The following LMBRD1 variants were observed in gnomAD, a reference collection of about 807,000 sequenced individuals.
The protein encoded by LMBRD1 is lysosomal cobalamin transport escort protein LMBD1.
Under a neutral mutation model 74.8 loss-of-function variants are expected in LMBRD1, and 64 were observed. That is an observed-to-expected ratio of 0.86 (90% CI 0.70 to 1.05). The LOEUF (loss-of-function observed/expected upper bound fraction) is 1.05, where lower values mean the gene tolerates loss of function less well. Among genes scored for constraint, LMBRD1 ranks in the 50% least tolerant of loss-of-function variants. The pLI is 0.00. For synonymous variants in LMBRD1, 204 were observed against 216.3 expected (o/e 0.94, Z 0.50); for missense variants, 652 against 645.9 (o/e 1.01, Z -0.10).
At chr6:69,788,816 A>G (rs1448262449) in intron 2 of LMBRD1, among the ~76,000 whole-genome samples, 1 of 152,236 alleles carries the variant, frequency 6.6e-6, no homozygotes, top group Non-Finnish European at 1.5e-5. Flanking sequence ...TTACTTGTTT[A>G]GAAGCCATCT....
rs1025273584 is a variant in LMBRD1 at position 69,737,839 on chromosome 6, T to G, written c.636+103A>C. The G allele has an allele frequency of 1.7e-5, 14 of 833,772 alleles. No homozygotes were observed. In the Middle Eastern group the frequency reaches 1.1e-3, roughly 63 times the overall value. The allele number at this position is 833,772 out of a possible 1,614,324, so 51.6% of individuals were successfully genotyped here. On this transcript the variant is annotated intron_variant, in intron 7 of 15. Transcript: ENST00000649934. ...AAACTGAAGAAAAATTGAAAAAGAA[T>G]CAAAATATTATAAAGGAAAACAGAA... is the stretch of plus-strand genomic sequence containing the variant.
chr6:69,768,935 G>A (rs907064797), intron 3 of LMBRD1, among the ~76,000 whole-genome samples: 9 of 151,692 alleles, frequency 5.9e-5, no homozygotes, highest in Non-Finnish European at 1.0e-4. Flanking sequence ...ATGCTGTTAT[G>A]TAATTTTTTG....
At chr6:69,754,299 GA>G (rs1013414436) in intron 3 of LMBRD1, among the ~76,000 whole-genome samples, 1 of 152,020 alleles carries the variant, frequency 6.6e-6, no homozygotes, top group South Asian at 2.1e-4. Flanking sequence ...AAAAAATACG[GA>G]AAAAATGCAT....
At chr6:69,691,722 A>G (rs1341642424) in intron 14 of LMBRD1, among the ~76,000 whole-genome samples, 1 of 151,864 alleles carries the variant, frequency 6.6e-6, no homozygotes, top group Non-Finnish European at 1.5e-5. Flanking sequence ...TAAAAATACA[A>G]AAAATTAGCT....
chr6:69,754,801 G>A (rs1482604173), intron 3 of LMBRD1, among the ~76,000 whole-genome samples: 1 of 152,092 alleles, frequency 6.6e-6, no homozygotes, highest in Non-Finnish European at 1.5e-5. Flanking sequence ...CTTCTCAAAA[G>A]AAGACATTTA....
chr6:69,675,917 C>A lies in LMBRD1; in HGVS notation c.*241G>T. ...TTATACATTAGAGGAAAAAATTTTG[C>A]ACAAACATTCCCTCACAAAGCCAGT... On this transcript the variant is annotated 3_prime_UTR_variant, in exon 16 of 16. Transcript: ENST00000649934. The A allele has an allele frequency of 2.1e-6, 1 of 466,744 alleles. No individual in the cohort carries two copies. The highest frequency in any genetic ancestry group is 3.9e-6 in the Non-Finnish European group (1 of 258,066). The allele number at this position is 466,744 out of a possible 1,614,324, so 28.9% of individuals were successfully genotyped here.
chr6:69,693,236 T>C (rs1765926942), intron 14 of LMBRD1, among the ~76,000 whole-genome samples: 1 of 152,070 alleles, frequency 6.6e-6, no homozygotes, highest in Non-Finnish European at 1.5e-5. Context: ...GGCATTCTTT[T>C]TAGGATTACT....
At chr6:69,787,179 T>C (rs1003320858) in intron 2 of LMBRD1, among the ~76,000 whole-genome samples, 11 of 152,224 alleles carry the variant, frequency 7.2e-5, no homozygotes, top group African/African-American at 2.4e-4. Context: ...ACTAGGCACC[T>C]GAATTCAGTA....
intron 1 of LMBRD1, among the ~76,000 whole-genome samples, chr6:69,794,385 G>C (rs1437233092): frequency 6.6e-6 from 1 of 152,080 alleles, no homozygotes; most frequent in Non-Finnish European, 1.5e-5. Flanking sequence ...TACTTTGTGG[G>C]GTAAAATATG....
chr6:69,691,585 A>G (rs2149839480), intron 14 of LMBRD1, among the ~76,000 whole-genome samples: 1 of 152,262 alleles, frequency 6.6e-6, no homozygotes, highest in African/African-American at 2.4e-5. Flanking sequence ...ACCTAAAGAA[A>G]GAAAGCTTGG....
At chr6:69,700,089 A>C (rs916412046) in intron 12 of LMBRD1, among the ~76,000 whole-genome samples, 6 of 151,852 alleles carry the variant, frequency 4.0e-5, no homozygotes, top group African/African-American at 1.4e-4. Flanking sequence ...AGAGATACTC[A>C]AAGAATTACA....
In LMBRD1 at chr6:69,676,522, C is replaced by G. The variant is rs1765549799; in HGVS notation, c.1437G>C (p.Arg479=). 1 of 1,612,876 alleles carries G rather than the reference C, an allele frequency of 6.2e-7. No individual in the cohort carries two copies. Among genetic ancestry groups the G allele is most frequent in the East Asian group, 2.2e-5 (1 of 44,790 alleles). Residue 479 remains arginine (R), a synonymous_variant, in exon 15 of 16, where the codon CGG becomes CGC. Transcript: ENST00000649934. ...DAPEDQCTVT[R]TYLFLHKFWF... is the part of the protein sequence containing the mutation. ...AGAACTTGTGAAGGAATAGGTATGT[C>G]CGGGTAACAGTACACTGATCTGTGA...
At chr6:69,793,603 ATAGT>A (rs1766139018) in intron 1 of LMBRD1, among the ~76,000 whole-genome samples, 1 of 152,178 alleles carries the variant, frequency 6.6e-6, no homozygotes, top group Non-Finnish European at 1.5e-5. Flanking sequence ...AAAGACAGAC[ATAGT>A]TAGATTACAG....
At chr6:69,743,000 A>G (rs1767137429) in intron 5 of LMBRD1, among the ~76,000 whole-genome samples, 1 of 152,158 alleles carries the variant, frequency 6.6e-6, no homozygotes, top group Admixed American at 6.5e-5. Context: ...TAGAGCAATA[A>G]ATGTAGAAAG....
intron 14 of LMBRD1, among the ~76,000 whole-genome samples, chr6:69,690,371 T>A (rs1765851236): frequency 6.6e-6 from 1 of 152,088 alleles, no homozygotes; most frequent in Non-Finnish European, 1.5e-5. Context: ...CTCTACATTC[T>A]CCCTCAATAC....
chr6:69,692,271 GCGCTCTCTCTCTCTCT>G (rs55673378), intron 14 of LMBRD1, among the ~76,000 whole-genome samples: 54,615 of 111,326 alleles, frequency 0.49, 10,402 homozygotes, highest in East Asian at 0.64. Context: ...TTTTTAAGGT[GCGCTCTCTCTCTCTCT>G]CGCTCTCTCT....
intron 2 of LMBRD1, among the ~76,000 whole-genome samples, chr6:69,784,757 C>G (rs1365145728): frequency 6.6e-6 from 1 of 152,198 alleles, no homozygotes; most frequent in Non-Finnish European, 1.5e-5. Flanking sequence ...AATACCCACA[C>G]TCCTATTACA....
At chr6:69,765,088 G>A (rs751349294) in intron 3 of LMBRD1, among the ~76,000 whole-genome samples, 3 of 151,606 alleles carry the variant, frequency 2.0e-5, no homozygotes, top group Admixed American at 6.6e-5. Context: ...CTGCCACCAC[G>A]CCCAGCTAAT....
chr6:69,695,541 T>C (rs1450393473), intron 14 of LMBRD1, among the ~76,000 whole-genome samples: 1 of 152,224 alleles, frequency 6.6e-6, no homozygotes, highest in African/African-American at 2.4e-5. Flanking sequence ...GATGTACTTA[T>C]ACACATCATC....
Sources: gnomAD v4.1 joint callset for allele counts (sites outside exome capture counted in the v4.1 genomes callset) on GRCh38, gnomAD v4.1.1 for gene constraint, MANE v1.5 for transcripts, NCBI Gene and HGNC (gene_info 2026-07-23, HGNC 2026-07-21) for gene names.